The following PCDHA8 variants were observed in gnomAD, a reference collection of about 807,000 sequenced individuals.
PCDHA8 encodes protocadherin alpha-8.
A neutral mutation model predicts 61.8 loss-of-function variants in PCDHA8; 53 were observed. The observed-to-expected ratio is 0.86, with a 90% CI of 0.69 to 1.08. PCDHA8 has a LOEUF of 1.08. PCDHA8 is among the 50% of genes least tolerant of loss of function. The pLI is 0.00. For synonymous variants in PCDHA8, 618 were observed against 556.6 expected (o/e 1.11, Z -1.55); for missense variants, 1,293 against 1,245.0 (o/e 1.04, Z -0.58).
intron 3 of PCDHA8, among the ~76,000 whole-genome samples, chr5:141,007,506 T>A (rs1370245633): frequency 6.6e-6 from 1 of 151,948 alleles, no homozygotes; most frequent in Non-Finnish European, 1.5e-5. Flanking sequence ...AGGCAGAGAC[T>A]GCAGTGAGCT....
intron 1 of PCDHA8, among the ~76,000 whole-genome samples, chr5:140,940,287 C>T (rs190568424): frequency 6.6e-6 from 1 of 152,272 alleles, no homozygotes; most frequent in East Asian, 1.9e-4. Context: ...CATTGTGCTG[C>T]TTCATCAGTA....
In PCDHA8 at chr5:140,849,224, C is replaced by G; in HGVS notation, c.2394+5509C>G. The G allele has an allele frequency of 1.9e-6, 2 of 1,040,424 alleles. 1 individual carries two copies. The allele number at this position is 1,040,424 out of a possible 1,614,324, so 64.4% of individuals were successfully genotyped here. A position where few individuals can be genotyped will look rare whatever the true frequency, so the allele number is the denominator to read the frequency against. On this transcript the variant is annotated intron_variant, in intron 1 of 3. Coordinates refer to ENST00000531613, the MANE Select transcript of PCDHA8 (RefSeq NM_018911.3). ...ACAATGACAATGCCCCAGTGTTCGACAGAACCCTGTATACGGTGAAATTAC... is the reference window on the plus strand; with the variant it reads ...ACAATGACAATGCCCCAGTGTTCGAGAGAACCCTGTATACGGTGAAATTAC...
In PCDHA8 at chr5:140,936,501, T is replaced by A. The variant is rs192125282; in HGVS notation, c.2395-42448T>A. On this transcript the variant is annotated intron_variant, in intron 1 of 3. Transcript: ENST00000531613. ...AGCTTTCTTGTTTTAACTTGCACATTTAGATCTTAAATTACCTGAAATTGC... is the reference window on the plus strand; with the variant it reads ...AGCTTTCTTGTTTTAACTTGCACATATAGATCTTAAATTACCTGAAATTGC... Among the ~76,000 whole-genome samples, 509 of 152,360 alleles carry A rather than the reference T, an allele frequency of 3.3e-3. 1 individual carries two copies. Among genetic ancestry groups the A allele is most frequent in the African/African-American group, 0.011 (472 of 41,592 alleles).
At chr5:140,875,207 C>A in intron 1 of PCDHA8, 3 of 660,292 alleles carry the variant, frequency 4.5e-6, no homozygotes, top group Non-Finnish European at 6.7e-6. Flanking sequence ...AGTGGCTAAA[C>A]CGAAAAGAAC....
chr5:140,860,424 C>T (rs1554153356), intron 1 of PCDHA8: 1 of 152,034 alleles, frequency 6.6e-6, no homozygotes, highest in Non-Finnish European at 1.5e-5. Flanking sequence ...CATTATCCTG[C>T]AAATATGATC....
chr5:140,928,587 C>T, intron 1 of PCDHA8: 1 of 1,614,228 alleles, frequency 6.2e-7, no homozygotes. Flanking sequence ...ATGGTTCTGT[C>T]CCAGTGGAAA....
rs782144486 is a variant in PCDHA8, at chr5:140,875,746, C to A, written c.2394+32031C>A. ...TTTGTTTGTGAATTCTCGGATCGAC[C>A]GCGAGAAGCTGTGCGGGCGGAGCGC... is the stretch of plus-strand genomic sequence containing the variant. On this transcript the variant is annotated intron_variant, in intron 1 of 3. Coordinates refer to ENST00000531613, the MANE Select transcript of PCDHA8 (RefSeq NM_018911.3). 7.4e-6 allele frequency: 12 copies of A among 1,614,096 alleles called. No homozygotes were observed. In the East Asian group the frequency reaches 2.0e-4, roughly 27 times the overall value.
intron 1 of PCDHA8, among the ~76,000 whole-genome samples, chr5:140,889,977 C>A (rs2062447126): frequency 6.6e-6 from 1 of 152,102 alleles, no homozygotes; most frequent in African/African-American, 2.4e-5. Flanking sequence ...ATCCAGTCTC[C>A]AGTTGTCTTA....
chr5:140,888,753 A>G (rs1237459726), intron 1 of PCDHA8, among the ~76,000 whole-genome samples: 1 of 149,022 alleles, frequency 6.7e-6, no homozygotes, highest in Non-Finnish European at 1.5e-5. Flanking sequence ...TATTCTACCC[A>G]CTTTTTTTTT....
At chr5:140,916,009 C>CA (rs541727470) in intron 1 of PCDHA8, among the ~76,000 whole-genome samples, 78 of 152,190 alleles carry the variant, frequency 5.1e-4, no homozygotes, top group Non-Finnish European at 9.6e-4. Flanking sequence ...AACCACAAGA[C>CA]AAAGTCTTTC....
chr5:140,899,606 A>G (rs1330407383), intron 1 of PCDHA8, among the ~76,000 whole-genome samples: 1 of 152,168 alleles, frequency 6.6e-6, no homozygotes, highest in Non-Finnish European at 1.5e-5. Flanking sequence ...GGACTTTTGC[A>G]TCAATGTTCA....
intron 1 of PCDHA8, chr5:140,867,086 T>G (rs2049743912): frequency 6.6e-6 from 1 of 152,178 alleles, no homozygotes; most frequent in African/African-American, 2.4e-5. Context: ...ACTGTATTGT[T>G]GGAAATTAAC....
chr5:140,967,870 G>A (rs782622860), intron 1 of PCDHA8: 31 of 1,614,152 alleles, frequency 1.9e-5, no homozygotes, highest in Non-Finnish European at 2.5e-5. Flanking sequence ...TGGTGCTCAC[G>A]GACCTGTATA....
intron 1 of PCDHA8, chr5:140,850,292 C>A: frequency 6.3e-7 from 1 of 1,596,038 alleles, no homozygotes; most frequent in Non-Finnish European, 8.6e-7. Flanking sequence ...CAGTGGACGC[C>A]GACTCGGGCT....
At chr5:140,855,988 C>T (rs1554148065) in intron 1 of PCDHA8, 4 of 1,481,966 alleles carry the variant, frequency 2.7e-6, no homozygotes, top group African/African-American at 1.4e-5. Flanking sequence ...CAGAAAATGT[C>T]AGATCGTATG....
At chr5:140,947,996 T>C (rs185303145) in intron 1 of PCDHA8, among the ~76,000 whole-genome samples, 1 of 126,772 alleles carries the variant, frequency 7.9e-6, no homozygotes, top group Non-Finnish European at 1.7e-5. Context: ...CCAAATACTT[T>C]ATTAAATTTA....
chr5:140,922,162 A>G (rs2080680842), intron 1 of PCDHA8, among the ~76,000 whole-genome samples: 1 of 146,764 alleles, frequency 6.8e-6, no homozygotes, highest in African/African-American at 2.5e-5. Flanking sequence ...AAAAACAACA[A>G]AAAGTACAGC....
At chr5:140,977,619 C>T (rs1289978944) in intron 1 of PCDHA8, among the ~76,000 whole-genome samples, 1 of 152,240 alleles carries the variant, frequency 6.6e-6, no homozygotes, top group African/African-American at 2.4e-5. Context: ...TAAAGTATCC[C>T]AGAGTTGTAA....
chr5:140,948,276 G>A (rs375889469), intron 1 of PCDHA8, among the ~76,000 whole-genome samples: 1 of 151,520 alleles, frequency 6.6e-6, no homozygotes, highest in East Asian at 1.9e-4. Context: ...TAGAATATCT[G>A]TAAATAATTT....
Sources: gnomAD v4.1 joint callset for allele counts (sites outside exome capture counted in the v4.1 genomes callset) on GRCh38, gnomAD v4.1.1 for gene constraint, MANE v1.5 for transcripts, NCBI Gene and HGNC (gene_info 2026-07-23, HGNC 2026-07-21) for gene names.